The following GTF2E2 variants were observed in gnomAD, a reference collection of about 807,000 sequenced individuals.
GTF2E2 encodes the protein general transcription factor IIE subunit 2.
In GTF2E2, 21 loss-of-function variants were observed where a neutral mutation model predicts 40.5. The ratio of observed to expected loss-of-function variants is 0.52; its 90% CI spans 0.37 to 0.75. The LOEUF (loss-of-function observed/expected upper bound fraction) is 0.75. Ranked by LOEUF, GTF2E2 falls within the 30% of genes least tolerant of loss-of-function variation. GTF2E2 has a pLI of 0.00. For synonymous variants in GTF2E2, 117 were observed against 121.6 expected, an observed-to-expected ratio of 0.96 and a Z score of 0.25; for missense variants, 298 against 338.4, an observed-to-expected ratio of 0.88 and a Z score of 0.94.
intron 3 of GTF2E2, among the ~76,000 whole-genome samples, chr8:30,632,209 G>A (rs556354763): frequency 1.6e-4 from 24 of 152,214 alleles, no homozygotes; most frequent in African/African-American, 3.4e-4. Flanking sequence ...GACAAGCAGC[G>A]CAGAAATGTT....
intron 2 of GTF2E2, among the ~76,000 whole-genome samples, chr8:30,649,838 T>C (rs998620342): frequency 6.6e-6 from 1 of 152,140 alleles, no homozygotes; most frequent in Non-Finnish European, 1.5e-5. Context: ...AGGGAGTACT[T>C]TGAAAAACCT....
intron 2 of GTF2E2, among the ~76,000 whole-genome samples, chr8:30,639,242 G>C (rs950944763): frequency 6.6e-6 from 1 of 151,986 alleles, no homozygotes; most frequent in Non-Finnish European, 1.5e-5. Flanking sequence ...CACTATATGG[G>C]CTGCATTATA....
chr8:30,616,138 A>G (rs1052507691), intron 3 of GTF2E2, among the ~76,000 whole-genome samples: 5 of 152,204 alleles, frequency 3.3e-5, no homozygotes, highest in African/African-American at 1.2e-4. Context: ...CCATGGAGAC[A>G]ATAAAAAGTT....
At chr8:30,613,961 A>G (rs888836081) in intron 4 of GTF2E2, among the ~76,000 whole-genome samples, 1 of 152,260 alleles carries the variant, frequency 6.6e-6, no homozygotes, top group Non-Finnish European at 1.5e-5. Flanking sequence ...AATAGCAGTA[A>G]TTGTGCAACA....
chr8:30,641,606 T>G (rs1246706563), intron 2 of GTF2E2, among the ~76,000 whole-genome samples: 1 of 152,160 alleles, frequency 6.6e-6, no homozygotes, highest in African/African-American at 2.4e-5. Flanking sequence ...CCAGGCGCGG[T>G]GGCTCATGCC....
chr8:30,620,766 A>G (rs1801071182), intron 3 of GTF2E2, among the ~76,000 whole-genome samples: 1 of 141,074 alleles, frequency 7.1e-6, no homozygotes, highest in Non-Finnish European at 1.5e-5. Flanking sequence ...TCGACTCCAC[A>G]AAAAAAAAAA....
chr8:30,590,377 T>C (rs910960316), intron 6 of GTF2E2, among the ~76,000 whole-genome samples: 6 of 152,244 alleles, frequency 3.9e-5, no homozygotes, highest in Admixed American at 2.0e-4. Flanking sequence ...TTGGTGGTTA[T>C]GAAGAAAGCC....
intron 2 of GTF2E2, among the ~76,000 whole-genome samples, chr8:30,644,993 G>C (rs1390506325): frequency 2.0e-5 from 3 of 151,840 alleles, no homozygotes; most frequent in Non-Finnish European, 4.4e-5. Flanking sequence ...CAAGTGATCT[G>C]CCCACATCAC....
Position 30,631,207 on chromosome 8 carries a change from T to G in GTF2E2, c.258+3825A>C, listed in dbSNP as rs775946352. On this transcript the variant is annotated intron_variant, in intron 3 of 7. Coordinates refer to ENST00000355904, the MANE Select transcript of GTF2E2 (RefSeq NM_002095.6). ...GGTTAATTTCTTTTTGTATTTTTAGTAGAGACGGGGTTTCACCATGTTGGC... is the reference window on the plus strand; with the variant it reads ...GGTTAATTTCTTTTTGTATTTTTAGGAGAGACGGGGTTTCACCATGTTGGC... Among the ~76,000 whole-genome samples the G allele has an allele frequency of 8.5e-5, 13 of 152,262 alleles. 1 individual carries two copies. In the South Asian group the frequency reaches 1.0e-3, roughly 12 times the overall value.
chr8:30,598,912 A>G (rs946117573), intron 6 of GTF2E2, among the ~76,000 whole-genome samples: 5 of 152,218 alleles, frequency 3.3e-5, no homozygotes, highest in Non-Finnish European at 5.9e-5. Flanking sequence ...TAATCCCTGC[A>G]CTTTGGGAAG....
chr8:30,643,720 C>T (rs1341175882), intron 2 of GTF2E2: 1 of 149,464 alleles, frequency 6.7e-6, no homozygotes, highest in African/African-American at 2.5e-5. Flanking sequence ...TCATACAAAT[C>T]TCTCACCTTT....
At chr8:30,622,887 T>C (rs1377412848) in intron 3 of GTF2E2, among the ~76,000 whole-genome samples, 1 of 152,148 alleles carries the variant, frequency 6.6e-6, no homozygotes, top group African/African-American at 2.4e-5. Flanking sequence ...GCTGTTACCC[T>C]GTTCTTTTTT....
chr8:30,605,466 C>A (rs7005781), intron 6 of GTF2E2, among the ~76,000 whole-genome samples: 1,735 of 152,232 alleles, frequency 0.011, 27 homozygotes, highest in African/African-American at 0.038. Context: ...AAGAAAGGGA[C>A]TGCAGCTAGA....
At chr8:30,598,999 A>G (rs1301973253) in intron 6 of GTF2E2, among the ~76,000 whole-genome samples, 2 of 152,328 alleles carry the variant, frequency 1.3e-5, no homozygotes, top group Middle Eastern at 3.4e-3. Context: ...CTCTATTTAT[A>G]AAAATTAATA....
intron 6 of GTF2E2, among the ~76,000 whole-genome samples, chr8:30,603,608 T>C (rs1443626725): frequency 2.6e-5 from 4 of 152,088 alleles, no homozygotes; most frequent in Non-Finnish European, 5.9e-5. Flanking sequence ...AGAACGTTTA[T>C]AAACTAAAAA....
chr8:30,625,137 T>C (rs1801227865), intron 3 of GTF2E2, among the ~76,000 whole-genome samples: 1 of 152,144 alleles, frequency 6.6e-6, no homozygotes, highest in Admixed American at 6.5e-5. Flanking sequence ...TGATACTGGC[T>C]GTGGGTTTGT....
At chr8:30,594,554 T>TTAAA (rs1563477422) in intron 6 of GTF2E2, among the ~76,000 whole-genome samples, 1 of 132,904 alleles carries the variant, frequency 7.5e-6, no homozygotes. Flanking sequence ...AATGGATCTT[T>TTAAA]AAAAAAAAAA....
chr8:30,589,227 G>C (rs1430926079), intron 6 of GTF2E2, among the ~76,000 whole-genome samples: 1 of 152,138 alleles, frequency 6.6e-6, no homozygotes, highest in Non-Finnish European at 1.5e-5. Context: ...CTGCACTCAA[G>C]CCTGCTGACA....
chr8:30,645,384 C>A, intron 2 of GTF2E2: 1 of 1,535,688 alleles, frequency 6.5e-7, no homozygotes, highest in Non-Finnish European at 8.7e-7. Flanking sequence ...AAAAAATTTA[C>A]CCTTTCCATG....
Sources: allele counts gnomAD v4.1 joint callset (sites outside exome capture counted in the v4.1 genomes callset), GRCh38; gene constraint gnomAD v4.1.1; transcripts MANE v1.5; gene names NCBI Gene and HGNC (gene_info 2026-07-23, HGNC 2026-07-21).